Variants in METTL9 observed in about 807,000 individuals in gnomAD.
The protein encoded by METTL9 is protein-L-histidine N-pros-methyltransferase.
METTL9 carries 10 observed loss-of-function variants against 36.0 expected under a neutral mutation model. The ratio of observed to expected loss-of-function variants is 0.28; its 90% CI spans 0.17 to 0.47. METTL9 has a LOEUF of 0.47. Ranked by LOEUF, METTL9 falls within the 20% of genes least tolerant of loss-of-function variation. The pLI is 0.99. For missense variants in METTL9, 246 were observed against 383.5 expected (o/e 0.64, Z 3.00); for synonymous variants, 175 against 149.7 (o/e 1.17, Z -1.23).
chr16:21,628,716 G>A (rs1478708882), intron 4 of METTL9, among the ~76,000 whole-genome samples: 5 of 152,040 alleles, frequency 3.3e-5, no homozygotes, highest in African/African-American at 1.2e-4. Context: ...GGCTGGTCTT[G>A]AACTCTTGGA....
chr16:21,639,879 A>G (rs1291432689), intron 4 of METTL9: 1 of 152,208 alleles, frequency 6.6e-6, no homozygotes, highest in Non-Finnish European at 1.5e-5. Context: ...TCTAAGTTTT[A>G]TAAAGAATAC....
chr16:21,607,650 A>G (rs1030001560), intron 1 of METTL9, among the ~76,000 whole-genome samples: 1 of 152,190 alleles, frequency 6.6e-6, no homozygotes, highest in African/African-American at 2.4e-5. Flanking sequence ...TCCCTTGTTT[A>G]TTTAGATGAA....
At chr16:21,643,518 A>T (rs766059910) in intron 4 of METTL9, 2 of 1,417,260 alleles carry the variant, frequency 1.4e-6, no homozygotes, top group South Asian at 1.2e-5. Flanking sequence ...GCCACAATTT[A>T]AAAAATATTT....
At chr16:21,649,262 G>A (rs968177764) in intron 4 of METTL9, among the ~76,000 whole-genome samples, 1 of 152,096 alleles carries the variant, frequency 6.6e-6, no homozygotes, top group Non-Finnish European at 1.5e-5. Context: ...CAAAGTGCTG[G>A]GATTACAGGT....
chr16:21,607,216 AG>A (rs968321566), intron 1 of METTL9, among the ~76,000 whole-genome samples: 8 of 152,066 alleles, frequency 5.3e-5, no homozygotes, highest in African/African-American at 1.9e-4. Flanking sequence ...CTGGAATTAT[AG>A]GTTCCTGCCA....
At chr16:21,655,199 T>C in intron 4 of METTL9, 28 bp from the exon 5 acceptor site, 1 of 1,597,018 alleles carries the variant, frequency 6.3e-7, no homozygotes, top group Non-Finnish European at 8.6e-7. Flanking sequence ...TGTTCAAGAA[T>C]TTAACTGAAT....
chr16:21,626,496 G>T (rs1486814822), intron 4 of METTL9, among the ~76,000 whole-genome samples: 3 of 152,130 alleles, frequency 2.0e-5, no homozygotes, highest in East Asian at 1.9e-4. Context: ...TTTCAGATTT[G>T]TGTTGATAAT....
At chr16:21,653,245 C>T (rs1213828606) in intron 4 of METTL9, 1 of 152,024 alleles carries the variant, frequency 6.6e-6, no homozygotes, top group Non-Finnish European at 1.5e-5. Context: ...GCACCACCAC[C>T]CCTGGCTAAT....
chr16:21,605,025 C>G (rs1405737701), intron 1 of METTL9, among the ~76,000 whole-genome samples: 1 of 151,992 alleles, frequency 6.6e-6, no homozygotes, highest in Non-Finnish European at 1.5e-5. Context: ...TATATTATCC[C>G]CAGTAGTCCA....
chr16:21,647,442 C>A, intron 4 of METTL9: 1 of 1,614,078 alleles, frequency 6.2e-7, no homozygotes, highest in Non-Finnish European at 8.5e-7. Context: ...GTGTAGTCCA[C>A]TTCTAGGTAC....
chr16:21,648,148 G>T (rs966606227), intron 4 of METTL9, among the ~76,000 whole-genome samples: 1 of 152,148 alleles, frequency 6.6e-6, no homozygotes, highest in Non-Finnish European at 1.5e-5. Flanking sequence ...ATATGAGCTC[G>T]CCAGGCCATA....
chr16:21,636,156 G>A (rs945244125), intron 4 of METTL9, among the ~76,000 whole-genome samples: 8 of 152,176 alleles, frequency 5.3e-5, no homozygotes, highest in African/African-American at 1.9e-4. Context: ...GGATCTCCAG[G>A]GTTGGAAGAG....
chr16:21,632,883 C>G (rs754907928), intron 4 of METTL9, among the ~76,000 whole-genome samples: 2 of 152,170 alleles, frequency 1.3e-5, no homozygotes, highest in Non-Finnish European at 2.9e-5. Flanking sequence ...AGAGCTATCC[C>G]TGCTCTCTCT....
intron 1 of METTL9, among the ~76,000 whole-genome samples, chr16:21,608,932 C>T (rs367623063): frequency 1.6e-4 from 24 of 152,138 alleles, no homozygotes; most frequent in African/African-American, 5.3e-4. Context: ...TTGAAAGAAA[C>T]GCTTATAAAA....
At chr16:21,650,056 G>A (rs1045096211) in intron 4 of METTL9, among the ~76,000 whole-genome samples, 5 of 152,136 alleles carry the variant, frequency 3.3e-5, no homozygotes, top group African/African-American at 1.2e-4. Flanking sequence ...GGCTGAGACC[G>A]GAGGCTGATT....
chr16:21,633,043 A>G (rs1421327693), intron 4 of METTL9, among the ~76,000 whole-genome samples: 1 of 152,132 alleles, frequency 6.6e-6, no homozygotes, highest in Non-Finnish European at 1.5e-5. Context: ...CGATTAGAGT[A>G]TAGAGGGGCC....
chr16:21,610,195 C>T (rs979136554), intron 1 of METTL9, among the ~76,000 whole-genome samples: 1 of 152,232 alleles, frequency 6.6e-6, no homozygotes, highest in Non-Finnish European at 1.5e-5. Flanking sequence ...TATCTACTTT[C>T]TATCTCTGGA....
chr16:21,598,369 A>G (rs1054093006), upstream of METTL9, among the ~76,000 whole-genome samples: 1 of 151,910 alleles, frequency 6.6e-6, no homozygotes, highest in African/African-American at 2.4e-5. Flanking sequence ...AAAAAAAAAA[A>G]AAAGCTGTTG....
chr16:21,616,524 G>A (rs1965558203), intron 2 of METTL9, among the ~76,000 whole-genome samples: 1 of 152,154 alleles, frequency 6.6e-6, no homozygotes, highest in Non-Finnish European at 1.5e-5. Flanking sequence ...CATGAGACTT[G>A]GCTGGACCTA....
Sources: gnomAD v4.1 joint callset for allele counts (sites outside exome capture counted in the v4.1 genomes callset) on GRCh38, gnomAD v4.1.1 for gene constraint, MANE v1.5 for transcripts, NCBI Gene and HGNC (gene_info 2026-07-23, HGNC 2026-07-21) for gene names.